Variants in ACSS2 observed in about 807,000 individuals in gnomAD.
ACSS2 encodes acetyl-coenzyme A synthetase, cytoplasmic.
In ACSS2, 58 loss-of-function variants were observed where a neutral mutation model predicts 90.6. The observed-to-expected ratio is 0.64, with a 90% CI of 0.52 to 0.80. The LOEUF is 0.80. ACSS2 is among the 30% of genes least tolerant of loss of function. The pLI is 0.00. For synonymous variants in ACSS2, 300 were observed against 330.9 expected, an observed-to-expected ratio of 0.91 and a Z score of 1.01; for missense variants, 759 against 912.0, an observed-to-expected ratio of 0.83 and a Z score of 2.16.
chr20:34,902,443 A>G (rs1250972590), intron 2 of ACSS2, among the ~76,000 whole-genome samples: 1 of 152,128 alleles, frequency 6.6e-6, no homozygotes, highest in Non-Finnish European at 1.5e-5. Flanking sequence ...TGGTCAGGGA[A>G]AGCTTCACTA....
intron 13 of ACSS2, 197 bp from the exon 14 acceptor site, chr20:34,923,126 A>G: frequency 1.9e-6 from 1 of 528,264 alleles, no homozygotes; most frequent in Non-Finnish European, 3.4e-6. Flanking sequence ...GAGGATCCTG[A>G]AGCTCAGAGG....
chr20:34,917,240 C>G (rs912024016), intron 7 of ACSS2, among the ~76,000 whole-genome samples: 5 of 152,216 alleles, frequency 3.3e-5, no homozygotes, highest in Non-Finnish European at 1.5e-5. Flanking sequence ...ATTGATACTT[C>G]TGGTTGAATA....
At chr20:34,891,013 GATAA>G (rs1421735962) in intron 2 of ACSS2, among the ~76,000 whole-genome samples, 12 of 149,942 alleles carry the variant, frequency 8.0e-5, no homozygotes, top group Non-Finnish European at 1.8e-4. Flanking sequence ...TATGGACCTA[GATAA>G]TTTAGAGTCC....
At chr20:34,903,593 C>T (rs1193975159) in intron 2 of ACSS2, among the ~76,000 whole-genome samples, 2 of 152,132 alleles carry the variant, frequency 1.3e-5, no homozygotes, top group African/African-American at 4.8e-5. Flanking sequence ...TTTGGTGTCT[C>T]TTCTCACCTG....
At chr20:34,923,186 G>A in intron 13 of ACSS2, 137 bp from the exon 14 acceptor site, 3 of 652,238 alleles carry the variant, frequency 4.6e-6, no homozygotes, top group African/African-American at 1.8e-5. Flanking sequence ...GTAGAGCTGG[G>A]ATTCCAAGCC....
chr20:34,878,760 G>T (rs1396955684), intron 1 of ACSS2, among the ~76,000 whole-genome samples: 1 of 152,000 alleles, frequency 6.6e-6, no homozygotes, highest in Non-Finnish European at 1.5e-5. Context: ...GCCTAGTTTC[G>T]CCAACTTGAG....
chr20:34,920,870 T>G, intron 9 of ACSS2, 136 bp from the exon 10 acceptor site: 2 of 1,487,918 alleles, frequency 1.3e-6, no homozygotes, highest in South Asian at 2.5e-5. Context: ...ACTAGGATGG[T>G]ATCTTGGCTT....
chr20:34,901,181 G>A (rs1368269245), intron 2 of ACSS2, among the ~76,000 whole-genome samples: 2 of 152,144 alleles, frequency 1.3e-5, no homozygotes, highest in African/African-American at 4.8e-5. Context: ...TTCTATTTCT[G>A]TGCCATAGGT....
At chr20:34,882,712 C>A in intron 1 of ACSS2, 82 bp from the exon 2 acceptor site, 1 of 1,350,602 alleles carries the variant, frequency 7.4e-7, no homozygotes, top group Non-Finnish European at 1.0e-6. Context: ...ATAATTTGGT[C>A]CTGTGTATAG....
At chr20:34,882,685 C>A in intron 1 of ACSS2, 109 bp from the exon 2 acceptor site, 5 of 1,022,948 alleles carry the variant, frequency 4.9e-6, no homozygotes, top group Non-Finnish European at 7.3e-6. Context: ...GGTGGTGGGT[C>A]CTAGGGCAAG....
At chr20:34,901,174 T>C (rs1020165712) in intron 2 of ACSS2, among the ~76,000 whole-genome samples, 1 of 152,256 alleles carries the variant, frequency 6.6e-6, no homozygotes. Flanking sequence ...CATCACTTTC[T>C]ATTTCTGTGC....
intron 5 of ACSS2, 83 bp from the exon 6 acceptor site, chr20:34,914,013 A>C: frequency 2.7e-6 from 4 of 1,500,742 alleles, no homozygotes; most frequent in Non-Finnish European, 3.7e-6. Flanking sequence ...TAAGAGGCCT[A>C]CTCAGGAAGG....
chr20:34,914,580 G>T, intron 7 of ACSS2, 143 bp downstream of exon 7: 1 of 725,180 alleles, frequency 1.4e-6, no homozygotes, highest in Non-Finnish European at 2.2e-6. Flanking sequence ...CTCTAGCAGG[G>T]CTAGGTGGGA....
At chr20:34,903,870 C>CAAA (rs11474981) in intron 2 of ACSS2, among the ~76,000 whole-genome samples, 5 of 93,462 alleles carry the variant, frequency 5.3e-5, no homozygotes, top group African/African-American at 7.4e-5. Flanking sequence ...GACATTGTCT[C>CAAA]AAAAAAAAAA....
intron 2 of ACSS2, among the ~76,000 whole-genome samples, chr20:34,911,867 C>T (rs932565643): frequency 2.0e-5 from 3 of 152,072 alleles, no homozygotes; most frequent in Non-Finnish European, 2.9e-5. Flanking sequence ...GTCGCCCAGG[C>T]TGGAGTGCAG....
intron 2 of ACSS2, among the ~76,000 whole-genome samples, chr20:34,898,864 G>A (rs1201623534): frequency 3.3e-5 from 5 of 151,868 alleles, no homozygotes; most frequent in Admixed American, 6.6e-5. Flanking sequence ...GGTGCTCGTC[G>A]GGGGGGCTCG....
At chr20:34,913,915 A>C in intron 5 of ACSS2, 90 bp downstream of exon 5, 2 of 1,441,484 alleles carry the variant, frequency 1.4e-6, no homozygotes, top group South Asian at 1.1e-5. Context: ...GCTACTCAGC[A>C]TAGAGGGTAG....
intron 2 of ACSS2, among the ~76,000 whole-genome samples, chr20:34,899,427 C>CT (rs1568977263): frequency 0.1 from 12,078 of 115,372 alleles, 834 homozygotes; most frequent in African/African-American, 0.22. Flanking sequence ...TCTTTCTTTC[C>CT]TTCCTTCCTT....
chr20:34,927,317 T>G lies in ACSS2; in HGVS notation c.*103T>G. The G allele has an allele frequency of 1.4e-6, 2 of 1,473,418 alleles. No individual in the cohort carries two copies. The highest frequency in any genetic ancestry group is 1.8e-5 in the Admixed American group (1 of 56,886). The allele number at this position is 1,473,418 out of a possible 1,614,324, so 91.3% of individuals were successfully genotyped here. On this transcript the variant is annotated 3_prime_UTR_variant, in exon 18 of 18. Coordinates refer to ENST00000360596, the MANE Select transcript of ACSS2 (RefSeq NM_018677.4). The surrounding 1 kb of genome is among the most constrained non-coding windows in gnomAD (Gnocchi z 4.2). Reference sequence around the variant, plus strand: ...GGGCCAGTGTTGACCCACACTACCCTCCCTTGACCAGCTGTCTGGGACCGG... The same window carrying G: ...GGGCCAGTGTTGACCCACACTACCCGCCCTTGACCAGCTGTCTGGGACCGG...
Sources: gnomAD v4.1 joint callset for allele counts (sites outside exome capture counted in the v4.1 genomes callset) on GRCh38, gnomAD v4.1.1 for gene constraint, Gnocchi (gnomAD v3.1) non-coding constraint, MANE v1.5 for transcripts, NCBI Gene and HGNC (gene_info 2026-07-23, HGNC 2026-07-21) for gene names.